Variants in CLTCL1 observed in about 807,000 individuals in gnomAD.
The protein encoded by CLTCL1 is clathrin heavy chain like 1.
CLTCL1 carries 159 observed loss-of-function variants against 190.0 expected under a neutral mutation model. The ratio of observed to expected loss-of-function variants is 0.84; its 90% CI spans 0.74 to 0.95. The LOEUF (loss-of-function observed/expected upper bound fraction) is 0.95, where lower values mean the gene tolerates loss of function less well. Ranked by LOEUF, CLTCL1 falls within the 40% of genes least tolerant of loss-of-function variation. CLTCL1 has a pLI of 0.00. For synonymous variants in CLTCL1, 752 were observed against 769.6 expected, an observed-to-expected ratio of 0.98 and a Z score of 0.38; for missense variants, 1,878 against 2,033.4, an observed-to-expected ratio of 0.92 and a Z score of 1.47.
rs2084792355 is a variant in CLTCL1, at chr22:19,198,901, TTGTCAGCCC to T, written c.3873+824_3873+832del. On this transcript the variant is annotated intron_variant, in intron 24 of 32. Coordinates refer to ENST00000427926, the MANE Select transcript of CLTCL1 (RefSeq NM_007098.4). The surrounding 1 kb of genome is among the most constrained non-coding windows in gnomAD (Gnocchi z 4.1). ...AAGATTTGCTGACTAAATTGTTCTT[TTGTCAGCCC>T]TGTACTGCTTGATCACCCTCCCTGT... Among the ~76,000 whole-genome samples, 1 of 152,200 alleles carries T rather than the reference TTGTCAGCCC, an allele frequency of 6.6e-6. No homozygotes were observed. Among genetic ancestry groups the T allele is most frequent in the Non-Finnish European group, 1.5e-5 (1 of 68,036 alleles).
chr22:19,256,208 A>T (rs2086744003), intron 2 of CLTCL1, among the ~76,000 whole-genome samples: 1 of 151,900 alleles, frequency 6.6e-6, no homozygotes, highest in Non-Finnish European at 1.5e-5. Flanking sequence ...CCCAGGCTGG[A>T]GTACAGTGGA....
chr22:19,188,349 A>C (rs1555929597), intron 27 of CLTCL1, among the ~76,000 whole-genome samples: 1 of 152,264 alleles, frequency 6.6e-6, no homozygotes, highest in African/African-American at 2.4e-5. Context: ...CCACCACAAT[A>C]AAGTGAACAT....
chr22:19,217,805 GCCATTGCACT>G (rs1239765379), intron 18 of CLTCL1, among the ~76,000 whole-genome samples: 1 of 147,724 alleles, frequency 6.8e-6, no homozygotes, highest in Non-Finnish European at 1.5e-5. Flanking sequence ...CCGAGATCAC[GCCATTGCACT>G]CCAGCCTGGT....
chr22:19,225,879 T>C (rs1555955686), intron 12 of CLTCL1, among the ~76,000 whole-genome samples: 1 of 152,234 alleles, frequency 6.6e-6, no homozygotes, highest in Non-Finnish European at 1.5e-5. Flanking sequence ...ACTTATTCCA[T>C]AAATTGGAAC....
intron 3 of CLTCL1, among the ~76,000 whole-genome samples, chr22:19,252,119 T>C (rs2086610428): frequency 6.6e-6 from 1 of 152,218 alleles, no homozygotes; most frequent in Non-Finnish European, 1.5e-5. Context: ...CATGTCTCTA[T>C]TCCAGAACAG....
intron 2 of CLTCL1, among the ~76,000 whole-genome samples, chr22:19,264,969 A>G (rs2087072846): frequency 6.6e-6 from 1 of 152,084 alleles, no homozygotes; most frequent in South Asian, 2.1e-4. Flanking sequence ...TTGTATTTTT[A>G]GTAGAGACAG....
rs535468058 is a variant in CLTCL1, at chr22:19,198,034, G to A, written c.3874-1378C>T. 1.4e-4 allele frequency among the ~76,000 whole-genome samples: 21 copies of A among 152,218 alleles called. No homozygotes were observed. The South Asian group carries it at 2.5e-3, about 18-fold the overall frequency. On this transcript the variant is annotated intron_variant, in intron 24 of 32. Coordinates refer to ENST00000427926, the MANE Select transcript of CLTCL1 (RefSeq NM_007098.4). The surrounding 1 kb of genome is among the most constrained non-coding windows in gnomAD (Gnocchi z 4.1). ...TGATGCCCCCACCTGAACATCCAGC[G>A]GGCAGCTCAAGACTTAGCACCATGT...
chr22:19,222,597 A>T, intron 15 of CLTCL1, 87 bp downstream of exon 15: 2 of 1,454,396 alleles, frequency 1.4e-6, no homozygotes, highest in Non-Finnish European at 1.9e-6. Context: ...CTGAAATGTC[A>T]GGTGTTACAG....
intron 23 of CLTCL1, 97 bp from the exon 24 acceptor site, chr22:19,199,938 AGC>A: frequency 1.4e-6 from 1 of 699,124 alleles, no homozygotes; most frequent in East Asian, 2.7e-5. Flanking sequence ...CAGAAATACC[AGC>A]AGTGGGGTAT....
At chr22:19,201,717 C>T (rs558886026) in intron 22 of CLTCL1, among the ~76,000 whole-genome samples, 114 of 152,206 alleles carry the variant, frequency 7.5e-4, no homozygotes, top group Non-Finnish European at 1.4e-3. Context: ...CTATCTAACC[C>T]TGCGTTCTGG....
Position 19,225,470 on chromosome 22 carries a change from G to C in CLTCL1, c.2111C>G (p.Ser704Cys). 1 of 1,584,178 alleles carries C rather than the reference G, an allele frequency of 6.3e-7. No individual in the cohort carries two copies. The highest frequency in any genetic ancestry group is 8.6e-7 in the Non-Finnish European group (1 of 1,164,516). The change falls in exon 13 of 33, where the codon TCC (serine) becomes TGC (cysteine). Residue 704 changes from serine (S) to cysteine (C), a missense_variant. Ser to Cys is a moderately radical substitution (Grantham distance 112). Transcript: ENST00000427926. ...GTQALVELFE[S>C]FKSYKGLFYF... ...TGGTTTACCTTTGTAACTCTTGAAGGATTCAAAGAGCTCCACCAGGGCCTG... is the reference window on the plus strand; with the variant it reads ...TGGTTTACCTTTGTAACTCTTGAAGCATTCAAAGAGCTCCACCAGGGCCTG...
Position 19,179,986 on chromosome 22 carries a change from C to T in CLTCL1, c.*21-17G>A. The stretch of plus-strand genomic sequence containing the variant: ...CGGCAGGGCCTGCAGAGGGGGAAGC[C>T]CACAATGAGCAGAGCTCTTCCTGCC... On this transcript the variant is annotated splice_polypyrimidine_tract_variant and intron_variant, in intron 32 of 32. Transcript: ENST00000427926. 1 of 583,626 alleles carries T rather than the reference C, an allele frequency of 1.7e-6. No homozygotes were observed. Among genetic ancestry groups the T allele is most frequent in the East Asian group, 2.8e-5 (1 of 35,142 alleles). The allele number at this position is 583,626 out of a possible 1,614,324, so 36.2% of individuals were successfully genotyped here.
Position 19,179,887 on chromosome 22 carries a change from A to C in CLTCL1, c.*103T>G. 1 of 409,350 alleles carries C rather than the reference A, an allele frequency of 2.4e-6. No homozygotes were observed. The highest frequency in any genetic ancestry group is 4.3e-5 in the East Asian group (1 of 23,262). The allele number at this position is 409,350 out of a possible 1,614,324, so 25.4% of individuals were successfully genotyped here. A position where few individuals can be genotyped will look rare whatever the true frequency, so the allele number is the denominator to read the frequency against. ...GGTGACAACGCCCACTACACGCGGAAGTTGTACATTGGAGGCTGGCGAAGT... is the reference window on the plus strand; with the variant it reads ...GGTGACAACGCCCACTACACGCGGACGTTGTACATTGGAGGCTGGCGAAGT... On this transcript the variant is annotated 3_prime_UTR_variant, in exon 33 of 33. Coordinates refer to ENST00000427926, the MANE Select transcript of CLTCL1 (RefSeq NM_007098.4).
intron 30 of CLTCL1, chr22:19,182,151 AAC>A (rs1210663818): frequency 6.6e-6 from 1 of 152,226 alleles, no homozygotes; most frequent in Non-Finnish European, 1.5e-5. Flanking sequence ...TGGTTCTCAG[AAC>A]ACAGACTACT....
At chr22:19,190,775 C>CTT (rs545585516) in intron 27 of CLTCL1, among the ~76,000 whole-genome samples, 1 of 143,186 alleles carries the variant, frequency 7.0e-6, no homozygotes. Flanking sequence ...AACCTCCAAT[C>CTT]TTTTTTTTTT....
In CLTCL1 at chr22:19,257,770, C is replaced by T. The variant is rs781996444; in HGVS notation, c.251-3543G>A. ...GGGGGCATCTAGAATGAGAAGGAGA[C>T]CATGCAAAGCCTGAACGACCACCTG... On this transcript the variant is annotated intron_variant, in intron 2 of 32. Coordinates refer to ENST00000427926, the MANE Select transcript of CLTCL1 (RefSeq NM_007098.4). The T allele has an allele frequency of 7.8e-6, 11 of 1,402,560 alleles. No individual in the cohort carries two copies. The African/African-American group carries it at 1.0e-4, about 13-fold the overall frequency. The allele number at this position is 1,402,560 out of a possible 1,614,324, so 86.9% of individuals were successfully genotyped here. A position where few individuals can be genotyped will look rare whatever the true frequency, so the allele number is the denominator to read the frequency against.
chr22:19,221,740 G>A (rs2085577451), intron 16 of CLTCL1, 129 bp from the exon 17 acceptor site: 1 of 1,013,106 alleles, frequency 9.9e-7, no homozygotes, highest in African/African-American at 1.6e-5. Context: ...GGTTGCTCTA[G>A]GGACCAAGAT....
chr22:19,280,413 T>C (rs528828501), intron 1 of CLTCL1, among the ~76,000 whole-genome samples: 1 of 152,144 alleles, frequency 6.6e-6, no homozygotes, highest in East Asian at 1.9e-4. Context: ...GATGAATAGA[T>C]AAGCAAAATG....
rs1555935905 is a variant in CLTCL1, at chr22:19,196,595, G to A, written c.3935C>T (p.Ala1312Val). Residue 1312 changes from alanine to valine, a missense_variant, in exon 25 of 33, where the codon GCC (alanine) becomes GTC (valine). Ala to Val is a moderately conservative substitution (Grantham distance 64). Transcript: ENST00000427926. ...LLEAALGLER[A>V]HMGMFTELAI... ...CAGCTCAGTGAACATGCCCATGTGG[G>A]CCCGCTCCAGGCCCAGGGCCGCTTC... 6.2e-7 allele frequency: 1 copy of A among 1,613,744 alleles called. No homozygotes were observed. The highest frequency in any genetic ancestry group is 2.2e-5 in the East Asian group (1 of 44,886).
Sources: allele counts gnomAD v4.1 joint callset (sites outside exome capture counted in the v4.1 genomes callset), GRCh38; gene constraint gnomAD v4.1.1; non-coding constraint Gnocchi (gnomAD v3.1); transcripts MANE v1.5; gene names NCBI Gene and HGNC (gene_info 2026-07-23, HGNC 2026-07-21).